Variants in R3HDM1 observed in about 807,000 individuals in gnomAD.
R3HDM1 encodes the protein R3H domain containing 1, also known as R3H domain-containing protein 1.
Under a neutral mutation model 141.1 loss-of-function variants are expected in R3HDM1, and 46 were observed. That is an observed-to-expected ratio of 0.33 (90% CI 0.26 to 0.42). The LOEUF is 0.42. Among genes scored for constraint, R3HDM1 ranks in the 10% least tolerant of loss-of-function variants. R3HDM1 has a pLI of 1.00. For missense variants in R3HDM1, 1,184 were observed against 1,368.3 expected (o/e 0.87, Z 2.12); for synonymous variants, 435 against 472.9 (o/e 0.92, Z 1.04).
At chr2:135,619,484 T>C (rs1232204053) in intron 5 of R3HDM1, among the ~76,000 whole-genome samples, 4 of 152,206 alleles carry the variant, frequency 2.6e-5, no homozygotes, top group Non-Finnish European at 5.9e-5. Context: ...AAAGAAGTTA[T>C]ATCAAAAGTC....
chr2:135,709,393 ATCC>A (rs761532360), intron 21 of R3HDM1, 37 bp from the exon 22 acceptor site: 43 of 1,587,680 alleles, frequency 2.7e-5, no homozygotes, highest in Non-Finnish European at 3.7e-5. Context: ...GTTTATAGTC[ATCC>A]TCCTCTCATT....
At chr2:135,616,540 C>G (rs2061036153) in intron 4 of R3HDM1, 128 bp from the exon 5 acceptor site, 1 of 738,194 alleles carries the variant, frequency 1.4e-6, no homozygotes. Context: ...ATATATTTAA[C>G]TTGCACATTT....
intron 20 of R3HDM1, among the ~76,000 whole-genome samples, chr2:135,676,260 A>C (rs1490567097): frequency 6.6e-6 from 1 of 151,886 alleles, no homozygotes; most frequent in Non-Finnish European, 1.5e-5. Flanking sequence ...AGGAAGTGGA[A>C]GTTGCAGTGA....
chr2:135,635,115 C>G (rs2063128521), intron 9 of R3HDM1, among the ~76,000 whole-genome samples: 1 of 152,192 alleles, frequency 6.6e-6, no homozygotes. Flanking sequence ...AAGAACATCT[C>G]TTTTCTAACC....
At chr2:135,712,453 A>G (rs949999749) in intron 23 of R3HDM1, among the ~76,000 whole-genome samples, 7 of 61,152 alleles carry the variant, frequency 1.1e-4, no homozygotes, top group African/African-American at 5.7e-4. Context: ...TTTTTTTTTT[A>G]TAGAGATGGG....
intron 1 of R3HDM1, among the ~76,000 whole-genome samples, chr2:135,542,713 G>T (rs1392389946): frequency 6.6e-6 from 1 of 152,152 alleles, no homozygotes. Context: ...AGGGAAGAGG[G>T]TAATGTAAAT....
intron 1 of R3HDM1, among the ~76,000 whole-genome samples, chr2:135,600,831 G>T (rs780073276): frequency 6.6e-6 from 1 of 152,182 alleles, no homozygotes; most frequent in Non-Finnish European, 1.5e-5. Context: ...TAACTTGAAT[G>T]CTGAATTACA....
chr2:135,571,962 G>A (rs528708378), intron 1 of R3HDM1, among the ~76,000 whole-genome samples: 5 of 151,964 alleles, frequency 3.3e-5, no homozygotes, highest in East Asian at 3.9e-4. Flanking sequence ...ATTTTATTTC[G>A]AGACAGTGTC....
chr2:135,613,641 C>G (rs1338606610), intron 3 of R3HDM1, among the ~76,000 whole-genome samples: 1 of 152,130 alleles, frequency 6.6e-6, no homozygotes. Context: ...CCCAGTGAAA[C>G]CCTGTCTCTA....
intron 1 of R3HDM1, chr2:135,565,722 T>C (rs1341869612): frequency 1.3e-5 from 2 of 152,186 alleles, no homozygotes; most frequent in South Asian, 2.0e-4. Flanking sequence ...CTTTTTTTTT[T>C]CTTGTTTTTT....
intron 4 of R3HDM1, 52 bp downstream of exon 4, chr2:135,616,245 T>A: frequency 6.6e-7 from 1 of 1,508,928 alleles, no homozygotes; most frequent in Non-Finnish European, 9.2e-7. Flanking sequence ...CCTTCATGCT[T>A]GATGAATCCT....
chr2:135,602,193 CTCTT>C (rs1029042020), intron 1 of R3HDM1, among the ~76,000 whole-genome samples: 24 of 151,920 alleles, frequency 1.6e-4, no homozygotes, highest in African/African-American at 5.8e-4. Flanking sequence ...TTTTTTCTCT[CTCTT>C]TATCTATAGA....
At chr2:135,684,142 G>C (rs190375085) in intron 21 of R3HDM1, among the ~76,000 whole-genome samples, 153 of 152,246 alleles carry the variant, frequency 1.0e-3, no homozygotes, top group Non-Finnish European at 1.5e-3. Context: ...CCAGGCTGGA[G>C]TGCAGTGGCA....
At chr2:135,712,531 C>G (rs2075770079) in intron 23 of R3HDM1, among the ~76,000 whole-genome samples, 1 of 151,228 alleles carries the variant, frequency 6.6e-6, no homozygotes, top group Admixed American at 6.6e-5. Flanking sequence ...CTCAGCCTCC[C>G]AAAGTGCTGG....
chr2:135,639,081 G>A lies in R3HDM1; in HGVS notation c.1178G>A (p.Ser393Asn), dbSNP rs2063531939. Residue 393 changes from serine to asparagine, a missense_variant, in exon 14 of 27, where the codon AGT becomes AAT. Physicochemically the swap from Ser to Asn is conservative, Grantham distance 46 (BLOSUM62 1). This residue lies in a region of R3HDM1 where 240 missense variants were observed against 312.3 expected (regional missense o/e 0.77). Transcript: ENST00000683871. Reference protein sequence around the residue: ...SGISVLTRGDSSGSSKSIGRL... With the variant: ...SGISVLTRGDNSGSSKSIGRL... ...ATCTCAGTCCTGACAAGAGGTGATAGTTCTGGAAGCAGCAAAAGCATAGGC... is the reference window on the plus strand; with the variant it reads ...ATCTCAGTCCTGACAAGAGGTGATAATTCTGGAAGCAGCAAAAGCATAGGC... 1.2e-6 allele frequency: 2 copies of A among 1,614,172 alleles called. No homozygotes were observed. Among genetic ancestry groups the A allele is most frequent in the African/African-American group, 1.3e-5 (1 of 75,058 alleles).
chr2:135,543,924 A>G (rs996137721), intron 1 of R3HDM1, among the ~76,000 whole-genome samples: 1 of 152,244 alleles, frequency 6.6e-6, no homozygotes, highest in Non-Finnish European at 1.5e-5. Context: ...AGAGAACCAC[A>G]TGTTGAATGG....
chr2:135,596,718 T>C (rs542366777), intron 1 of R3HDM1, among the ~76,000 whole-genome samples: 1 of 152,346 alleles, frequency 6.6e-6, no homozygotes, highest in East Asian at 1.9e-4. Flanking sequence ...TTTTAGTTCA[T>C]TTCATTTTAA....
intron 1 of R3HDM1, among the ~76,000 whole-genome samples, chr2:135,538,821 C>G (rs2104887247): frequency 6.6e-6 from 1 of 152,236 alleles, no homozygotes; most frequent in East Asian, 1.9e-4. Flanking sequence ...ACCATGTTGG[C>G]CAGGCTGGTC....
chr2:135,538,036 G>A (rs1160344970), intron 1 of R3HDM1, among the ~76,000 whole-genome samples: 1 of 152,196 alleles, frequency 6.6e-6, no homozygotes, highest in Non-Finnish European at 1.5e-5. Flanking sequence ...TCTGAGAAAT[G>A]TGTCATTAGA....
Sources: gnomAD v4.1 joint callset for allele counts (sites outside exome capture counted in the v4.1 genomes callset) on GRCh38, gnomAD v4.1.1 for gene constraint, gnomAD v4.1.1 regional missense constraint, MANE v1.5 for transcripts, NCBI Gene and HGNC (gene_info 2026-07-23, HGNC 2026-07-21) for gene names.